CSNK1D: variants seen among roughly 807,000 people sequenced by gnomAD.
The protein encoded by CSNK1D is casein kinase I isoform delta.
Under a neutral mutation model 46.6 loss-of-function variants are expected in CSNK1D, and 16 were observed. The observed-to-expected ratio is 0.34, with a 90% CI of 0.23 to 0.52. The LOEUF (loss-of-function observed/expected upper bound fraction) is 0.52, where lower values mean the gene tolerates loss of function less well. Ranked by LOEUF, CSNK1D falls within the 20% of genes least tolerant of loss-of-function variation. The probability of loss-of-function intolerance (pLI) is 0.95; values close to 1 mark genes in which losing one functional copy is unlikely to be tolerated. For synonymous variants in CSNK1D, 276 were observed against 228.2 expected, an observed-to-expected ratio of 1.21 and a Z score of -1.89; for missense variants, 398 against 578.4, an observed-to-expected ratio of 0.69 and a Z score of 3.20.
downstream of CSNK1D, among the ~76,000 whole-genome samples, chr17:82,241,132 G>C (rs1267224349): frequency 6.6e-6 from 1 of 152,148 alleles, no homozygotes; most frequent in Non-Finnish European, 1.5e-5. Flanking sequence ...GTGGGGGTGG[G>C]GGGCAGAGGG....
At chr17:82,261,115 C>T (rs970686261) in intron 2 of CSNK1D, 1 of 154,852 alleles carries the variant, frequency 6.5e-6, no homozygotes, top group Non-Finnish European at 1.5e-5. Flanking sequence ...ACAATGTACC[C>T]CGTCATCCAT....
intron 2 of CSNK1D, among the ~76,000 whole-genome samples, chr17:82,263,228 C>T (rs1904794117): frequency 1.3e-5 from 2 of 152,162 alleles, no homozygotes; most frequent in South Asian, 4.1e-4. Context: ...AAAACCTTGA[C>T]AGTATCCACC....
chr17:82,252,658 G>A lies in CSNK1D; in HGVS notation c.566-54C>T. 6.4e-7 allele frequency: 1 copy of A among 1,572,586 alleles called. No homozygotes were observed. The highest frequency in any genetic ancestry group is 8.6e-7 in the Non-Finnish European group (1 of 1,156,764). ...ACGGCACTTGCGTGCTCACGTCAAAGCAAAAGACCCGGCTGGCCGTTCCAG... is the reference window on the plus strand; with the variant it reads ...ACGGCACTTGCGTGCTCACGTCAAAACAAAAGACCCGGCTGGCCGTTCCAG... On this transcript the variant is annotated intron_variant, in intron 4 of 8. Transcript: ENST00000314028. This position sits in a 1 kb window ranked among gnomAD's most constrained non-coding sequence, Gnocchi z 4.6.
intron 1 of CSNK1D, among the ~76,000 whole-genome samples, chr17:82,271,102 GTC>G (rs2051611414): frequency 6.6e-6 from 1 of 152,174 alleles, no homozygotes; most frequent in Non-Finnish European, 1.5e-5. Context: ...TTGAGACAGA[GTC>G]TCACTCCATC....
Position 82,248,243 on chromosome 17 carries a change from C to T in CSNK1D, c.1197+632G>A, listed in dbSNP as rs994833249. The T allele has an allele frequency of 2.7e-5, 27 of 986,112 alleles. No individual in the cohort carries two copies. Among genetic ancestry groups the T allele is most frequent in the Admixed American group, 1.2e-4 (2 of 16,354 alleles). 61.1% of individuals were successfully genotyped at this position (986,112 alleles called of 1,614,324 possible). A position where few individuals can be genotyped will look rare whatever the true frequency, so the allele number is the denominator to read the frequency against. ...GAAAGCTGTTCTAGTTCAAAGAGCA[C>T]GTTAGCAAACGCAAAAGACAACAAA... On this transcript the variant is annotated intron_variant, in intron 8 of 8. Transcript: ENST00000314028. This position sits in a 1 kb window ranked among gnomAD's most constrained non-coding sequence, Gnocchi z 4.1.
downstream of CSNK1D, among the ~76,000 whole-genome samples, chr17:82,242,211 C>CCCCG (rs2050750014): frequency 8.3e-6 from 1 of 120,246 alleles, no homozygotes; most frequent in African/African-American, 3.9e-5. Flanking sequence ...GCTGTGTGCT[C>CCCCG]TGGGGGGGGG....
chr17:82,273,074 G>A lies in CSNK1D; in HGVS notation c.76+232C>T. The A allele has an allele frequency of 1.8e-5, 3 of 168,294 alleles. No homozygotes were observed. Among genetic ancestry groups the A allele is most frequent in the Non-Finnish European group, 3.4e-5 (3 of 88,150 alleles). The allele number at this position is 168,294 out of a possible 1,614,324, so 10.4% of individuals were successfully genotyped here. A position where few individuals can be genotyped will look rare whatever the true frequency, so the allele number is the denominator to read the frequency against. On this transcript the variant is annotated intron_variant, in intron 1 of 8. Coordinates refer to ENST00000314028, the MANE Select transcript of CSNK1D (RefSeq NM_001893.6). The surrounding 1 kb of genome is among the most constrained non-coding windows in gnomAD (Gnocchi z 5.1). ...TCCTTCCCCAACCCTCCCCTCTCCA[G>A]ACCCTGCTCCCCCGACCTGGTCCTG...
chr17:82,263,659 C>T (rs1356253838), intron 2 of CSNK1D, among the ~76,000 whole-genome samples: 2 of 152,242 alleles, frequency 1.3e-5, no homozygotes, highest in African/African-American at 4.8e-5. Flanking sequence ...TGGCTTTCTT[C>T]CCTTTGCCCT....
At chr17:82,254,753 G>C (rs1481439681) in intron 3 of CSNK1D, 4 of 198,634 alleles carry the variant, frequency 2.0e-5, no homozygotes, top group Non-Finnish European at 3.6e-5. Context: ...CCGGAGCCTC[G>C]AGAAGCCAGT....
rs566343443 is a variant in CSNK1D, at chr17:82,247,190, C to T, written c.1197+1685G>A. 3.0e-6 allele frequency: 3 copies of T among 985,466 alleles called. No homozygotes were observed. In the East Asian group the frequency reaches 3.4e-4, roughly 112 times the overall value. 61.0% of individuals were successfully genotyped at this position (985,466 alleles called of 1,614,324 possible). A position where few individuals can be genotyped will look rare whatever the true frequency, so the allele number is the denominator to read the frequency against. On this transcript the variant is annotated intron_variant, in intron 8 of 8. Transcript: ENST00000314028. Reference sequence around the variant, plus strand: ...GGAGACTCCTCCCTGCTGTTAGAGCCCACGTTGTATTTCCTCATATGGAAA... The same window carrying T: ...GGAGACTCCTCCCTGCTGTTAGAGCTCACGTTGTATTTCCTCATATGGAAA...
At chr17:82,266,935 C>T (rs1338214702) in intron 1 of CSNK1D, 2 of 152,102 alleles carry the variant, frequency 1.3e-5, no homozygotes, top group African/African-American at 2.4e-5. Flanking sequence ...TGGTGGGTAC[C>T]TGTGGTCCCA....
In CSNK1D at chr17:82,244,150, A is replaced by G; in HGVS notation, c.*631T>C. The G allele has an allele frequency of 9.9e-7, 1 of 1,007,234 alleles. No homozygotes were observed. Among genetic ancestry groups the G allele is most frequent in the Non-Finnish European group, 1.2e-6 (1 of 841,548 alleles). 62.4% of individuals were successfully genotyped at this position (1,007,234 alleles called of 1,614,324 possible). On this transcript the variant is annotated 3_prime_UTR_variant, in exon 9 of 9. Transcript: ENST00000314028. ...CCACCACACACGGGCACACACACACACCACGGACTTTTGATGAGAAATCTC... is the reference window on the plus strand; with the variant it reads ...CCACCACACACGGGCACACACACACGCCACGGACTTTTGATGAGAAATCTC...
In CSNK1D at chr17:82,265,734, GGT is replaced by G; in HGVS notation, c.137_138del (p.His46ProfsTer6). On this transcript the variant is annotated frameshift_variant, in exon 2 of 9. Transcript: ENST00000314028. LOFTEE classifies it high-confidence loss of function. ...ATTTTGCTCTCAATGTGGAGCTGAG[GGT>G]GTTTGGTTTTGACACATTCAAGCTT... is the stretch of plus-strand genomic sequence containing the variant. ...AIKLECVKTK[H>X]PQLHIESKIY... is the part of the protein sequence containing the mutation. 6.2e-7 allele frequency: 1 copy of G among 1,614,084 alleles called. No individual in the cohort carries two copies. Among genetic ancestry groups the G allele is most frequent in the Non-Finnish European group, 8.5e-7 (1 of 1,180,000 alleles).
chr17:82,262,003 T>C (rs1358887602), intron 2 of CSNK1D, among the ~76,000 whole-genome samples: 1 of 152,234 alleles, frequency 6.6e-6, no homozygotes, highest in African/African-American at 2.4e-5. Context: ...GAGCTAAGGC[T>C]GCTTTTGGGG....
chr17:82,258,847 TC>T, intron 2 of CSNK1D, among the ~76,000 whole-genome samples: 1 of 152,342 alleles, frequency 6.6e-6, no homozygotes, highest in South Asian at 2.1e-4. Context: ...TTCTAGGCTG[TC>T]CTCCTTCTAA....
intron 8 of CSNK1D, chr17:82,247,725 G>C (rs923955479): frequency 6.1e-6 from 6 of 985,410 alleles, no homozygotes; most frequent in Non-Finnish European, 7.2e-6. Flanking sequence ...TTGTGTGCAC[G>C]TAAGGGACCC....
At position 82,251,152 on chromosome 17, in the gene CSNK1D, A is replaced by C; in HGVS notation, c.885+227T>G. 3 of 535,808 alleles carry C rather than the reference A, an allele frequency of 5.6e-6. No homozygotes were observed. Among genetic ancestry groups the C allele is most frequent in the Non-Finnish European group, 6.8e-6 (2 of 295,914 alleles). The allele number at this position is 535,808 out of a possible 1,614,324, so 33.2% of individuals were successfully genotyped here. On this transcript the variant is annotated intron_variant, in intron 6 of 8. Transcript: ENST00000314028. The surrounding 1 kb of genome is among the most constrained non-coding windows in gnomAD (Gnocchi z 4.5). Reference sequence around the variant, plus strand: ...GGCCTCCTGCTGTCCACACCCAGGAATTCCATGGACCCCTCTGCGTTCCCT... The same window carrying C: ...GGCCTCCTGCTGTCCACACCCAGGACTTCCATGGACCCCTCTGCGTTCCCT...
chr17:82,273,266 C>G lies in CSNK1D; in HGVS notation c.76+40G>C. On this transcript the variant is annotated intron_variant, in intron 1 of 8. Transcript: ENST00000314028. This position sits in a 1 kb window ranked among gnomAD's most constrained non-coding sequence, Gnocchi z 5.1. The stretch of plus-strand genomic sequence containing the variant: ...CGCTTGGTCTTGGCAGCCGCAGGGC[C>G]CGGGTCTTCGGGCGGCGGGCGGGGG... 6.4e-7 allele frequency: 1 copy of G among 1,570,674 alleles called. No individual in the cohort carries two copies. The highest frequency in any genetic ancestry group is 8.6e-7 in the Non-Finnish European group (1 of 1,164,234).
In CSNK1D at chr17:82,260,730, C is replaced by CTGATGGTGTACTGACTGAT. The variant is rs1568575707; in HGVS notation, c.187+4955_187+4956insATCAGTCAGTACACCATCA. Among the ~76,000 whole-genome samples, 5 of 112,462 alleles carry CTGATGGTGTACTGACTGAT rather than the reference C, an allele frequency of 4.4e-5. 1 individual carries two copies. The highest frequency in any genetic ancestry group is 1.8e-4 in the African/African-American group (5 of 27,420). 73.8% of individuals were successfully genotyped at this position (112,462 alleles called of 152,430 possible). The stretch of plus-strand genomic sequence containing the variant: ...ATGTGACTGATGGTGTACTGACTGA[C>CTGATGGTGTACTGACTGAT]GGTGTACCGACTGATGTGACTGATG... On this transcript the variant is annotated intron_variant, in intron 2 of 8. Coordinates refer to ENST00000314028, the MANE Select transcript of CSNK1D (RefSeq NM_001893.6).
Sources: allele counts gnomAD v4.1 joint callset (sites outside exome capture counted in the v4.1 genomes callset), GRCh38; gene constraint gnomAD v4.1.1; non-coding constraint Gnocchi (gnomAD v3.1); transcripts MANE v1.5; gene names NCBI Gene and HGNC (gene_info 2026-07-23, HGNC 2026-07-21).